USP10: variants seen among roughly 807,000 people sequenced by gnomAD.
The protein encoded by USP10 is ubiquitin carboxyl-terminal hydrolase 10.
A neutral mutation model predicts 84.5 loss-of-function variants in USP10; 22 were observed. That is an observed-to-expected ratio of 0.26 (90% CI 0.19 to 0.37). USP10 has a LOEUF of 0.37. Among genes scored for constraint, USP10 ranks in the 10% least tolerant of loss-of-function variants. USP10 has a pLI of 1.00. For missense variants in USP10, 1,019 were observed against 998.9 expected (o/e 1.02, Z -0.27); for synonymous variants, 454 against 387.6 (o/e 1.17, Z -2.01).
At chr16:84,712,300 C>G (rs1296086123) in intron 1 of USP10, among the ~76,000 whole-genome samples, 1 of 152,184 alleles carries the variant, frequency 6.6e-6, no homozygotes, top group African/African-American at 2.4e-5. Flanking sequence ...ATGGCTCTGC[C>G]TGGGGAGACT....
rs1166648820 is a variant in USP10 at position 84,745,552 on chromosome 16, G to A, written c.1071G>A (p.Val357=). Residue 357 remains valine, a synonymous_variant, in exon 4 of 14, where the codon GTG becomes GTA. Coordinates refer to ENST00000219473, the MANE Select transcript of USP10 (RefSeq NM_005153.3). ...CTAAGCCCTCTTCCTCCTCGCCGGT[G>A]GCCTATGTGGAAACTAAGTATTCCC... ...HDSKPSSSSP[V]AYVETKYSPP... The A allele has an allele frequency of 1.2e-6, 2 of 1,612,028 alleles. No individual in the cohort carries two copies. Among genetic ancestry groups the A allele is most frequent in the Non-Finnish European group, 1.7e-6 (2 of 1,178,946 alleles).
intron 8 of USP10, among the ~76,000 whole-genome samples, chr16:84,760,739 A>T (rs1220494072): frequency 6.6e-6 from 1 of 152,036 alleles, no homozygotes; most frequent in Non-Finnish European, 1.5e-5. Flanking sequence ...TTTTAATCAC[A>T]TACTTTGTTA....
At chr16:84,772,040 C>T (rs1374850528) in intron 11 of USP10, among the ~76,000 whole-genome samples, 1 of 152,024 alleles carries the variant, frequency 6.6e-6, no homozygotes, top group Non-Finnish European at 1.5e-5. Context: ...GGAACGTATG[C>T]ATTTTTCTTC....
At chr16:84,771,904 GT>G (rs1294547612) in intron 11 of USP10, among the ~76,000 whole-genome samples, 1 of 152,160 alleles carries the variant, frequency 6.6e-6, no homozygotes, top group Non-Finnish European at 1.5e-5. Context: ...CATAAATAAG[GT>G]GGTACTAAGT....
intron 4 of USP10, among the ~76,000 whole-genome samples, chr16:84,756,648 G>GT: frequency 6.6e-6 from 1 of 151,936 alleles, no homozygotes; most frequent in East Asian, 1.9e-4. Context: ...TTAAGGTTAG[G>GT]TTTAAAAAAA....
chr16:84,741,347 GC>G (rs1249077601), intron 3 of USP10, among the ~76,000 whole-genome samples: 2 of 152,218 alleles, frequency 1.3e-5, no homozygotes. Flanking sequence ...GGGAAGCCGG[GC>G]TGCTCAGCCT....
chr16:84,754,364 C>G (rs541294845), intron 4 of USP10, among the ~76,000 whole-genome samples: 2 of 152,050 alleles, frequency 1.3e-5, no homozygotes, highest in South Asian at 4.2e-4. Context: ...CTGTATTTTC[C>G]AAGTCTGAAA....
chr16:84,700,051 G>A lies in USP10; in HGVS notation c.-40G>A, dbSNP rs1316046263. ...GGCGGCGGCGGGGGAAGCAGCGTGA[G>A]CAGCCGGAGGATCGCGGAGTCCCAA... On this transcript the variant is annotated 5_prime_UTR_variant, in exon 1 of 14. Coordinates refer to ENST00000219473, the MANE Select transcript of USP10 (RefSeq NM_005153.3). 4 of 1,361,964 alleles carry A rather than the reference G, an allele frequency of 2.9e-6. No individual in the cohort carries two copies. The highest frequency in any genetic ancestry group is 5.1e-5 in the Admixed American group (2 of 39,268). The allele number at this position is 1,361,964 out of a possible 1,614,324, so 84.4% of individuals were successfully genotyped here.
intron 4 of USP10, among the ~76,000 whole-genome samples, chr16:84,747,554 ATTTTTTTTTTTTT>A (rs71151244): frequency 1.4e-4 from 10 of 73,032 alleles, no homozygotes; most frequent in African/African-American, 5.5e-4. Flanking sequence ...AAGCCAGGTG[ATTTTTTTTTTTTT>A]TTTTTTTTTT....
chr16:84,720,967 C>T lies in USP10; in HGVS notation c.22-12468C>T, dbSNP rs560360738. 1.3e-4 allele frequency among the ~76,000 whole-genome samples: 19 copies of T among 148,360 alleles called. No individual in the cohort carries two copies. The East Asian group carries it at 3.2e-3, about 25-fold the overall frequency. ...GGAGTGCAGTGGCGCGATCTCAGCT[C>T]ACGGCAACCTCCGCCTGCCGTATTC... On this transcript the variant is annotated intron_variant, in intron 1 of 13. Coordinates refer to ENST00000219473, the MANE Select transcript of USP10 (RefSeq NM_005153.3).
At chr16:84,739,424 A>G (rs943654202) in intron 2 of USP10, among the ~76,000 whole-genome samples, 5 of 152,076 alleles carry the variant, frequency 3.3e-5, no homozygotes, top group African/African-American at 1.2e-4. Context: ...GGTGCCTGCC[A>G]CCACGCCCAG....
chr16:84,729,518 C>T (rs534501660), intron 1 of USP10, among the ~76,000 whole-genome samples: 1 of 152,300 alleles, frequency 6.6e-6, no homozygotes, highest in African/African-American at 2.4e-5. Flanking sequence ...TGTAGTTTAT[C>T]TGCCATGAGC....
intron 1 of USP10, among the ~76,000 whole-genome samples, chr16:84,727,250 C>G (rs1473737996): frequency 6.6e-6 from 1 of 152,190 alleles, no homozygotes; most frequent in Non-Finnish European, 1.5e-5. Context: ...AGTGGCATTT[C>G]CCTCTTCACT....
intron 3 of USP10, 148 bp from the exon 4 acceptor site, chr16:84,744,485 A>C: frequency 1.5e-6 from 1 of 655,574 alleles, no homozygotes; most frequent in Non-Finnish European, 2.4e-6. Flanking sequence ...CATTTTCCGC[A>C]AATTGTTCAG....
Position 84,759,445 on chromosome 16 carries a change from G to C in USP10, c.1367G>C (p.Cys456Ser), listed in dbSNP as rs771276752. The C allele has an allele frequency of 2.4e-5, 38 of 1,613,978 alleles. 4 individuals are homozygous for C. The South Asian group carries it at 4.2e-4, about 18-fold the overall frequency. Reference protein sequence around the residue: ...IPLYSKVQRPCTSTPMIDSFV... With the variant: ...IPLYSKVQRPSTSTPMIDSFV... ...CTGTATTCCAAAGTGCAAAGGCCTT[G>C]TACGTCAACACCCATGATAGACAGC... The change falls in exon 6 of 14, where the codon TGT becomes TCT. Residue 456 changes from cysteine (C) to serine (S), a missense_variant. Physicochemically the swap from Cys to Ser is moderately radical, Grantham distance 112. Transcript: ENST00000219473.
At chr16:84,717,390 G>T (rs1054795802) in intron 1 of USP10, among the ~76,000 whole-genome samples, 5 of 152,172 alleles carry the variant, frequency 3.3e-5, no homozygotes, top group Non-Finnish European at 7.3e-5. Flanking sequence ...ATTGTCTAGA[G>T]CATAATGGAC....
intron 1 of USP10, among the ~76,000 whole-genome samples, chr16:84,715,770 C>T (rs566401862): frequency 9.9e-5 from 15 of 152,212 alleles, no homozygotes; most frequent in South Asian, 4.1e-4. Context: ...TTAATTCAGC[C>T]GTTTAGTTAC....
intron 4 of USP10, among the ~76,000 whole-genome samples, chr16:84,751,333 G>C (rs888240004): frequency 3.3e-5 from 5 of 152,170 alleles, no homozygotes; most frequent in Non-Finnish European, 1.5e-5. Context: ...TCCTAAAACT[G>C]ATCTTTATTT....
chr16:84,779,305 AT>A lies in USP10; in HGVS notation c.*227del. 4.7e-6 allele frequency: 2 copies of A among 427,606 alleles called. No individual in the cohort carries two copies. 26.5% of individuals were successfully genotyped at this position (427,606 alleles called of 1,614,324 possible). ...TTTGGTTGAAACAGACTGTTGCTTG[AT>A]TTTAGAAAATACACAAAAACCCATA... On this transcript the variant is annotated 3_prime_UTR_variant, in exon 14 of 14. Transcript: ENST00000219473.
Sources: allele counts gnomAD v4.1 joint callset (sites outside exome capture counted in the v4.1 genomes callset), GRCh38; gene constraint gnomAD v4.1.1; transcripts MANE v1.5; gene names NCBI Gene and HGNC (gene_info 2026-07-23, HGNC 2026-07-21).